The following SYT2 variants were observed in gnomAD, a reference collection of about 807,000 sequenced individuals.
The protein encoded by SYT2 is synaptotagmin-2.
SYT2 carries 15 observed loss-of-function variants against 39.9 expected under a neutral mutation model. The ratio of observed to expected loss-of-function variants is 0.38; its 90% CI spans 0.25 to 0.58. The LOEUF is 0.58. Among genes scored for constraint, SYT2 ranks in the 20% least tolerant of loss-of-function variants. The probability of loss-of-function intolerance (pLI) is 0.70; values close to 1 mark genes in which losing one functional copy is unlikely to be tolerated. For synonymous variants in SYT2, 181 were observed against 204.5 expected, an observed-to-expected ratio of 0.89 and a Z score of 0.98; for missense variants, 389 against 530.3, an observed-to-expected ratio of 0.73 and a Z score of 2.62.
At chr1:202,640,162 C>A (rs1691858336) in intron 1 of SYT2, among the ~76,000 whole-genome samples, 1 of 152,194 alleles carries the variant, frequency 6.6e-6, no homozygotes, top group Non-Finnish European at 1.5e-5. Context: ...GTCATCGCCT[C>A]TCCCCAAGCT....
rs1480769416 is a variant in SYT2 at position 202,599,791 on chromosome 1, G to A, written c.920-440C>T. Among the ~76,000 whole-genome samples the A allele has an allele frequency of 1.3e-5, 2 of 152,234 alleles. No homozygotes were observed. The highest frequency in any genetic ancestry group is 4.8e-5 in the African/African-American group (2 of 41,454). ...GAGGTCACACAGCGGGTCAGTGACAGAGCCAGGCTGGCACTGAAACGCGCT... is the reference window on the plus strand; with the variant it reads ...GAGGTCACACAGCGGGTCAGTGACAAAGCCAGGCTGGCACTGAAACGCGCT... On this transcript the variant is annotated intron_variant, in intron 7 of 8. Transcript: ENST00000367268. The surrounding 1 kb of genome is among the most constrained non-coding windows in gnomAD (Gnocchi z 4.4).
chr1:202,687,962 G>C (rs1653714669), intron 1 of SYT2, among the ~76,000 whole-genome samples: 3 of 152,154 alleles, frequency 2.0e-5, no homozygotes, highest in African/African-American at 7.2e-5. Context: ...ACAACTCTGA[G>C]GACACATTAA....
Position 202,695,650 on chromosome 1 carries a change from G to A in SYT2, c.-18+14608C>T, listed in dbSNP as rs147016718. Reference sequence around the variant, plus strand: ...ATGGTCAAAAATTCATTTCCAAGGGGACCTGGCATCTTCCTCTCACAGACA... The same window carrying A: ...ATGGTCAAAAATTCATTTCCAAGGGAACCTGGCATCTTCCTCTCACAGACA... On this transcript the variant is annotated intron_variant, in intron 1 of 8. Transcript: ENST00000367268. Among the ~76,000 whole-genome samples, 3 of 152,290 alleles carry A rather than the reference G, an allele frequency of 2.0e-5. No homozygotes were observed. The East Asian group carries it at 5.8e-4, about 29-fold the overall frequency.
intron 1 of SYT2, among the ~76,000 whole-genome samples, chr1:202,708,171 T>A (rs1654298892): frequency 6.6e-6 from 1 of 152,088 alleles, no homozygotes; most frequent in Non-Finnish European, 1.5e-5. Flanking sequence ...CTTCCCCTGG[T>A]CCTGTTCTGC....
intron 1 of SYT2, among the ~76,000 whole-genome samples, chr1:202,683,845 C>T (rs150461898): frequency 6.6e-6 from 1 of 152,050 alleles, no homozygotes; most frequent in Admixed American, 6.5e-5. Flanking sequence ...TGAGGCATTT[C>T]CCATTCACTA....
chr1:202,617,181 A>G (rs1691067282), intron 1 of SYT2, among the ~76,000 whole-genome samples: 1 of 152,166 alleles, frequency 6.6e-6, no homozygotes, highest in South Asian at 2.1e-4. Context: ...GCCTTTGTAT[A>G]TGCTGTGCCC....
At chr1:202,685,200 C>G (rs1384438860) in intron 1 of SYT2, among the ~76,000 whole-genome samples, 6 of 152,186 alleles carry the variant, frequency 3.9e-5, no homozygotes, top group African/African-American at 1.4e-4. Flanking sequence ...CCATTTCCCA[C>G]TCACCTGGCT....
At chr1:202,684,225 T>A (rs1653600972) in intron 1 of SYT2, among the ~76,000 whole-genome samples, 1 of 152,220 alleles carries the variant, frequency 6.6e-6, no homozygotes, top group African/African-American at 2.4e-5. Context: ...TTAACTGTAG[T>A]CTTCCTCCTG....
At chr1:202,626,981 A>G (rs1691435056) in intron 1 of SYT2, among the ~76,000 whole-genome samples, 2 of 152,176 alleles carry the variant, frequency 1.3e-5, no homozygotes, top group Non-Finnish European at 2.9e-5. Context: ...TTCTCCTCTC[A>G]GCGGGGCTAG....
chr1:202,678,352 A>G (rs571615134), intron 1 of SYT2, among the ~76,000 whole-genome samples: 2 of 151,592 alleles, frequency 1.3e-5, no homozygotes, highest in South Asian at 4.2e-4. Flanking sequence ...TAACCTTTCT[A>G]AATTTTTTTT....
At chr1:202,670,718 A>C (rs1043112633) in intron 1 of SYT2, among the ~76,000 whole-genome samples, 37 of 152,202 alleles carry the variant, frequency 2.4e-4, no homozygotes, top group African/African-American at 8.4e-4. Flanking sequence ...CTCCACACCT[A>C]ATGTTTGAAA....
chr1:202,611,716 C>T (rs1209293246), intron 1 of SYT2, among the ~76,000 whole-genome samples: 2 of 152,158 alleles, frequency 1.3e-5, no homozygotes, highest in Admixed American at 1.3e-4. Context: ...TGATGATGTC[C>T]AATTTAGCTG....
At chr1:202,647,313 C>T (rs558838469) in intron 1 of SYT2, among the ~76,000 whole-genome samples, 41 of 152,290 alleles carry the variant, frequency 2.7e-4, no homozygotes, top group African/African-American at 8.9e-4. Flanking sequence ...TTCCAGGGCC[C>T]GTAGAGGGAA....
At chr1:202,658,212 G>A (rs1692314501) in intron 1 of SYT2, among the ~76,000 whole-genome samples, 1 of 152,144 alleles carries the variant, frequency 6.6e-6, no homozygotes. Flanking sequence ...AAAGCTGACT[G>A]GCCCCTTTTT....
intron 1 of SYT2, among the ~76,000 whole-genome samples, chr1:202,620,492 G>T (rs1267307835): frequency 6.6e-6 from 1 of 151,738 alleles, no homozygotes; most frequent in Non-Finnish European, 1.5e-5. Flanking sequence ...CATGTAGAGA[G>T]CTGTCAGGGC....
intron 1 of SYT2, among the ~76,000 whole-genome samples, chr1:202,643,820 C>T (rs1282259918): frequency 6.6e-6 from 1 of 152,092 alleles, no homozygotes; most frequent in Admixed American, 6.5e-5. Flanking sequence ...GGGACTCCCC[C>T]GATTCTGCCG....
At chr1:202,638,036 T>C (rs935015278) in intron 1 of SYT2, among the ~76,000 whole-genome samples, 21 of 152,358 alleles carry the variant, frequency 1.4e-4, no homozygotes, top group Admixed American at 9.8e-4. Flanking sequence ...AGTCCTTCCT[T>C]GTACCTCACA....
At position 202,595,429 on chromosome 1, in the gene SYT2, C is replaced by CCA. The variant is rs1690253490; in HGVS notation, c.*1326_*1327dup. On this transcript the variant is annotated 3_prime_UTR_variant, in exon 9 of 9. Coordinates refer to ENST00000367268, the MANE Select transcript of SYT2 (RefSeq NM_177402.5). ...TTCCCATAGGTCTCCCTGGGCCACTCCAGCTACCTATCAGCTCTCCAGCAT... is the reference window on the plus strand; with the variant it reads ...TTCCCATAGGTCTCCCTGGGCCACTCCACAGCTACCTATCAGCTCTCCAGCAT... 6.6e-6 allele frequency: 1 copy of CCA among 152,198 alleles called. No homozygotes were observed. Among genetic ancestry groups the CCA allele is most frequent in the African/African-American group, 2.4e-5 (1 of 41,438 alleles). 9.4% of individuals were successfully genotyped at this position (152,198 alleles called of 1,614,324 possible).
At chr1:202,647,779 C>A (rs112851830) in intron 1 of SYT2, among the ~76,000 whole-genome samples, 1 of 152,186 alleles carries the variant, frequency 6.6e-6, no homozygotes, top group Non-Finnish European at 1.5e-5. Flanking sequence ...GTCACTACCA[C>A]GACCATCACT....
Sources: gnomAD v4.1 joint callset for allele counts (sites outside exome capture counted in the v4.1 genomes callset) on GRCh38, gnomAD v4.1.1 for gene constraint, Gnocchi (gnomAD v3.1) non-coding constraint, MANE v1.5 for transcripts, NCBI Gene and HGNC (gene_info 2026-07-23, HGNC 2026-07-21) for gene names.